Variants in KEL observed in about 807,000 individuals in gnomAD.
KEL encodes kell blood group glycoprotein.
KEL carries 96 observed loss-of-function variants against 99.5 expected under a neutral mutation model. The observed-to-expected ratio is 0.97, with a 90% confidence interval of 0.82 to 1.14. KEL has a LOEUF of 1.14. Ranked by LOEUF, KEL falls within the 50% of genes most tolerant of loss-of-function variation. The pLI, the probability that KEL is intolerant of heterozygous loss-of-function variation, is 0.00. For synonymous variants in KEL, 355 were observed against 354.8 expected, an observed-to-expected ratio of 1.00 and a Z score of -0.01; for missense variants, 926 against 924.2, an observed-to-expected ratio of 1.00 and a Z score of -0.03.
intron 4 of KEL, 138 bp from the exon 5 acceptor site, chr7:142,958,566 T>A: frequency 2.5e-6 from 2 of 789,732 alleles, no homozygotes; most frequent in Non-Finnish European, 4.2e-6. Flanking sequence ...CCATGTAACA[T>A]GATTTACTTT....
At chr7:142,945,063 T>C in intron 11 of KEL, 2 of 446,092 alleles carry the variant, frequency 4.5e-6, no homozygotes, top group South Asian at 4.6e-5. Context: ...CTCTCAGAAA[T>C]CAGAGGGAGG....
intron 10 of KEL, among the ~76,000 whole-genome samples, chr7:142,951,568 T>C (rs1796687050): frequency 6.6e-6 from 1 of 152,146 alleles, no homozygotes; most frequent in Non-Finnish European, 1.5e-5. Context: ...TCTCCTCCTC[T>C]TTAAAATAGG....
intron 10 of KEL, among the ~76,000 whole-genome samples, chr7:142,951,101 G>A (rs570421438): frequency 8.9e-4 from 136 of 152,268 alleles, no homozygotes; most frequent in African/African-American, 2.5e-3. Flanking sequence ...GTGAAGTGGC[G>A]TCCCCAAGGT....
chr7:142,958,233 T>A, intron 5 of KEL, 71 bp downstream of exon 5: 4 of 1,609,532 alleles, frequency 2.5e-6, no homozygotes, highest in Non-Finnish European at 3.4e-6. Context: ...GAAAAAAAAA[T>A]GGCAGCCCTA....
At position 142,957,951 on chromosome 7, in the gene KEL, C is replaced by G; in HGVS notation, c.548G>C (p.Gly183Ala). 1 of 1,614,068 alleles carries G rather than the reference C, an allele frequency of 6.2e-7. No homozygotes were observed. The highest frequency in any genetic ancestry group is 8.5e-7 in the Non-Finnish European group (1 of 1,180,010). The change falls in exon 6 of 19, where the codon GGT becomes GCT. Residue 183 changes from glycine (G) to alanine (A), a missense_variant. Transcript: ENST00000355265. Reference protein sequence around the residue: ...IEELGGWRISGKWTSLNFNRT... With the variant: ...IEELGGWRISAKWTSLNFNRT... ...GTTAAAGTTTAAGGAAGTCCATTTA[C>G]CAGAGATGCGCCAGCCTCCAAGCTT...
At position 142,943,776 on chromosome 7, in the gene KEL, G is replaced by T. The variant is rs754882750; in HGVS notation, c.1592+7C>A. On this transcript the variant is annotated splice_region_variant and intron_variant, in intron 14 of 18. Transcript: ENST00000355265. ...ATGGAGTGCCTGTGTCTCCCCTGCT[G>T]TCATACCTGTGTTGGGGGTGAGGCT... 6.2e-7 allele frequency: 1 copy of T among 1,612,216 alleles called. No individual in the cohort carries two copies. The highest frequency in any genetic ancestry group is 8.5e-7 in the Non-Finnish European group (1 of 1,178,384).
intron 17 of KEL, 39 bp downstream of exon 17, chr7:142,942,836 G>T (rs747237668): frequency 6.2e-7 from 1 of 1,609,734 alleles, no homozygotes; most frequent in Admixed American, 1.7e-5. Context: ...TTTCTAGTCT[G>T]CCAGTACACA....
chr7:142,961,824 C>A lies in KEL; in HGVS notation c.52G>T (p.Gly18Cys). The change falls in exon 2 of 19, where the codon GGT (glycine) becomes TGT (cysteine). Residue 18 changes from glycine to cysteine, a missense_variant. By Grantham distance (159) the Gly-to-Cys change is radical. Transcript: ENST00000355265. ...TGGCTCCAGAGAGTTCCCATTCCAC[C>A]TGCCTGGCTGCGTTCCCTCGGCTCT... Reference protein sequence around the residue: ...EEEPRERSQAGGMGTLWSQES... With the variant: ...EEEPRERSQACGMGTLWSQES... 1.2e-6 allele frequency: 2 copies of A among 1,614,120 alleles called. No homozygotes were observed. The highest frequency in any genetic ancestry group is 1.7e-6 in the Non-Finnish European group (2 of 1,180,012).
At chr7:142,961,903 A>T in intron 1 of KEL, 31 bp from the exon 2 acceptor site, 4 of 1,611,308 alleles carry the variant, frequency 2.5e-6, no homozygotes, top group Non-Finnish European at 3.4e-6. Flanking sequence ...AGGAGGAGAG[A>T]GAAGCTGGTT....
chr7:142,960,492 G>A (rs180723591), intron 4 of KEL, among the ~76,000 whole-genome samples: 1 of 152,310 alleles, frequency 6.6e-6, no homozygotes, highest in East Asian at 1.9e-4. Context: ...GAATTGAAAT[G>A]CAGGAGATGC....
chr7:142,945,813 A>G (rs952330723), intron 11 of KEL, among the ~76,000 whole-genome samples: 3 of 152,080 alleles, frequency 2.0e-5, no homozygotes, highest in Non-Finnish European at 2.9e-5. Context: ...TTTTTAGTAG[A>G]GATGGGGTTT....
In KEL at chr7:142,954,383, G is replaced by T. The variant is rs144972578; in HGVS notation, c.736-11C>A. ...GTATTCCCGAAAGATCTGGAGGAAG[G>T]AAATGTCAGTCACAGGTGCCAGAGG... On this transcript the variant is annotated splice_polypyrimidine_tract_variant and intron_variant, in intron 7 of 18. Coordinates refer to ENST00000355265, the MANE Select transcript of KEL (RefSeq NM_000420.3). 22,670 of 1,614,054 alleles carry T rather than the reference G, an allele frequency of 0.014. 282 individuals are homozygous for T. The highest frequency in any genetic ancestry group is 0.04 in the Admixed American group (2,397 of 60,024).
chr7:142,957,014 G>C (rs998208364), intron 6 of KEL, among the ~76,000 whole-genome samples: 1 of 152,152 alleles, frequency 6.6e-6, no homozygotes, highest in Non-Finnish European at 1.5e-5. Flanking sequence ...CCCTGTGATA[G>C]GTCCTGAGAA....
intron 8 of KEL, 45 bp downstream of exon 8, chr7:142,954,139 G>A (rs1456836262): frequency 6.4e-7 from 1 of 1,573,800 alleles, no homozygotes; most frequent in Non-Finnish European, 8.7e-7. Context: ...TGTTTGAGAG[G>A]AAGATCCCCA....
At chr7:142,944,942 G>A in intron 11 of KEL, 1 of 628,330 alleles carries the variant, frequency 1.6e-6, no homozygotes, top group Non-Finnish European at 2.8e-6. Context: ...ACAAAGGGAA[G>A]GTGGGGCCTG....
At chr7:142,956,055 C>A (rs1796822787) in intron 6 of KEL, among the ~76,000 whole-genome samples, 1 of 152,180 alleles carries the variant, frequency 6.6e-6, no homozygotes, top group Non-Finnish European at 1.5e-5. Context: ...CTTTGGACTT[C>A]TCTTTCTGTA....
At chr7:142,954,578 G>A (rs759687994) in intron 6 of KEL, 51 bp from the exon 7 acceptor site, 7 of 1,525,820 alleles carry the variant, frequency 4.6e-6, no homozygotes, top group South Asian at 3.4e-5. Flanking sequence ...GGATGGAGAG[G>A]GCAGGTGTGG....
intron 10 of KEL, among the ~76,000 whole-genome samples, chr7:142,951,362 TC>T (rs1796682916): frequency 6.6e-6 from 1 of 152,188 alleles, no homozygotes; most frequent in Non-Finnish European, 1.5e-5. Context: ...CTGGTCTGCT[TC>T]ATCTGAATCA....
chr7:142,945,406 G>A (rs1355105882), intron 11 of KEL, among the ~76,000 whole-genome samples: 1 of 152,186 alleles, frequency 6.6e-6, no homozygotes, highest in Non-Finnish European at 1.5e-5. Context: ...GTTCCCTCTT[G>A]TATAAAATCA....
Sources: gnomAD v4.1 joint callset for allele counts (sites outside exome capture counted in the v4.1 genomes callset) on GRCh38, gnomAD v4.1.1 for gene constraint, MANE v1.5 for transcripts, NCBI Gene and HGNC (gene_info 2026-07-23, HGNC 2026-07-21) for gene names.